TRPV1: variants seen among roughly 807,000 people sequenced by gnomAD.
TRPV1 encodes transient receptor potential cation channel subfamily V member 1.
A neutral mutation model predicts 82.3 loss-of-function variants in TRPV1; 82 were observed. The ratio of observed to expected loss-of-function variants is 1.00; its 90% CI spans 0.83 to 1.20. The LOEUF (loss-of-function observed/expected upper bound fraction) is 1.20, where lower values mean the gene tolerates loss of function less well. Ranked by LOEUF, TRPV1 falls within the 50% of genes most tolerant of loss-of-function variation. The pLI, the probability that TRPV1 is intolerant of heterozygous loss-of-function variation, is 0.00. For missense variants in TRPV1, 1,067 were observed against 1,096.8 expected, an observed-to-expected ratio of 0.97 and a Z score of 0.38; for synonymous variants, 515 against 467.7, an observed-to-expected ratio of 1.10 and a Z score of -1.30.
At chr17:3,569,988 T>C (rs1597509355) in intron 16 of TRPV1, among the ~76,000 whole-genome samples, 2 of 149,574 alleles carry the variant, frequency 1.3e-5, no homozygotes, top group Admixed American at 1.3e-4. Flanking sequence ...GGCCAAGCGG[T>C]CAGGGAGGAG....
At chr17:3,602,786 G>C (rs951873962) in intron 2 of TRPV1, among the ~76,000 whole-genome samples, 1 of 152,268 alleles carries the variant, frequency 6.6e-6, no homozygotes, top group South Asian at 2.1e-4. Flanking sequence ...ACTGGCCATC[G>C]GAGACAAATT....
intron 11 of TRPV1, among the ~76,000 whole-genome samples, chr17:3,579,730 C>T (rs955571058): frequency 2.6e-5 from 4 of 152,212 alleles, no homozygotes; most frequent in Non-Finnish European, 5.9e-5. Flanking sequence ...CCCGCCTCAG[C>T]CTCCCAAAGT....
rs958737627 is a variant in TRPV1, at chr17:3,566,386, T to G, written c.*429A>C. 2 of 152,912 alleles carry G rather than the reference T, an allele frequency of 1.3e-5. No individual in the cohort carries two copies. The highest frequency in any genetic ancestry group is 4.8e-5 in the African/African-American group (2 of 41,372). The allele number at this position is 152,912 out of a possible 1,614,324, so 9.5% of individuals were successfully genotyped here. A position where few individuals can be genotyped will look rare whatever the true frequency, so the allele number is the denominator to read the frequency against. On this transcript the variant is annotated 3_prime_UTR_variant, in exon 17 of 17. Transcript: ENST00000572705. ...GCACGTGCCTGTAATCCCAGCTACT[T>G]GGGAAGCCGAGGCAGGAGAATTGCT...
At chr17:3,597,909 T>C (rs906232174) in intron 2 of TRPV1, among the ~76,000 whole-genome samples, 2 of 152,090 alleles carry the variant, frequency 1.3e-5, no homozygotes, top group African/African-American at 4.8e-5. Context: ...CCTGACCTCG[T>C]CATCCACCTG....
rs913801171 is a variant in TRPV1 at position 3,589,885 on chromosome 17, C to T, written c.966G>A (p.Pro322=). The change falls in exon 7 of 17, where the codon CCG becomes CCA. Residue 322 remains proline (P), a synonymous_variant. Transcript: ENST00000572705. ...TGGTGAGCTCCTCCAGCTTCAGCGTCGGGTGCAGTTTGGCCCCCAGCATCA... is the reference window on the plus strand; with the variant it reads ...TGGTGAGCTCCTCCAGCTTCAGCGTTGGGTGCAGTTTGGCCCCCAGCATCA... ...EILMLGAKLH[P]TLKLEELTNK... The T allele has an allele frequency of 7.5e-6, 12 of 1,610,594 alleles. No homozygotes were observed. Among genetic ancestry groups the T allele is most frequent in the African/African-American group, 1.3e-5 (1 of 74,844 alleles).
intron 8 of TRPV1, among the ~76,000 whole-genome samples, chr17:3,587,846 A>G (rs1363117384): frequency 8.1e-6 from 1 of 124,178 alleles, no homozygotes; most frequent in Non-Finnish European, 1.9e-5. Flanking sequence ...ACGCCCTGCC[A>G]TCAAGTGAAA....
At chr17:3,578,293 G>C (rs1018782440) in intron 11 of TRPV1, 3 of 151,768 alleles carry the variant, frequency 2.0e-5, no homozygotes, top group African/African-American at 7.3e-5. Flanking sequence ...GGGAGACAGA[G>C]CGAGACTCCG....
chr17:3,603,247 C>T (rs997760166), intron 2 of TRPV1, among the ~76,000 whole-genome samples: 2 of 152,180 alleles, frequency 1.3e-5, no homozygotes, highest in African/African-American at 2.4e-5. Context: ...CAGCGGTCTG[C>T]GAGCCGGTCA....
chr17:3,573,654 G>C lies in TRPV1; in HGVS notation c.2082C>G (p.Ser694Arg). 1 of 1,612,944 alleles carries C rather than the reference G, an allele frequency of 6.2e-7. No individual in the cohort carries two copies. Among genetic ancestry groups the C allele is most frequent in the Non-Finnish European group, 8.5e-7 (1 of 1,179,744 alleles). The change falls in exon 14 of 17, where the codon AGC becomes AGG. Residue 694 changes from serine to arginine, a missense_variant. Ser to Arg is a moderately radical substitution (Grantham distance 110). Transcript: ENST00000572705. ...CCACCTGCAGCTTCCAGATGTTCTTGCTCTCCTGTGCGATCTTGTTGACAG... is the reference window on the plus strand; with the variant it reads ...CCACCTGCAGCTTCCAGATGTTCTTCCTCTCCTGTGCGATCTTGTTGACAG... ...GETVNKIAQE[S>R]KNIWKLQRAI...
At chr17:3,587,721 G>A (rs2075101685) in intron 8 of TRPV1, among the ~76,000 whole-genome samples, 1 of 151,912 alleles carries the variant, frequency 6.6e-6, no homozygotes, top group Middle Eastern at 3.2e-3. Flanking sequence ...CGGATTCGAG[G>A]AGAATCGCTT....
At chr17:3,605,492 A>G (rs1245703232) in intron 2 of TRPV1, among the ~76,000 whole-genome samples, 2 of 152,022 alleles carry the variant, frequency 1.3e-5, no homozygotes, top group Non-Finnish European at 2.9e-5. Context: ...CCTGGGTAAC[A>G]GAGTGAGACT....
intron 2 of TRPV1, among the ~76,000 whole-genome samples, chr17:3,594,182 T>C (rs1034320896): frequency 7.3e-6 from 1 of 137,460 alleles, no homozygotes; most frequent in Non-Finnish European, 1.5e-5. Context: ...CAGCAGCAGC[T>C]GCACACATGG....
intron 9 of TRPV1, among the ~76,000 whole-genome samples, chr17:3,584,907 T>A (rs1454277609): frequency 6.6e-6 from 1 of 152,236 alleles, no homozygotes; most frequent in Non-Finnish European, 1.5e-5. Flanking sequence ...AGAAGTTTGA[T>A]GAAGTCTTGG....
rs202162250 is a variant in TRPV1, at chr17:3,565,466, T to C, written c.*1349A>G. ...CGATATATATGTATACATATCTGTT[T>C]ATTTGAGGATGCCAGTATGGATGGA... On this transcript the variant is annotated 3_prime_UTR_variant, in exon 17 of 17. Coordinates refer to ENST00000572705, the MANE Select transcript of TRPV1 (RefSeq NM_080704.4). The C allele has an allele frequency of 1.3e-5, 2 of 152,206 alleles. No individual in the cohort carries two copies. The highest frequency in any genetic ancestry group is 1.3e-4 in the Admixed American group (2 of 15,274). The allele number at this position is 152,206 out of a possible 1,614,324, so 9.4% of individuals were successfully genotyped here. A position where few individuals can be genotyped will look rare whatever the true frequency, so the allele number is the denominator to read the frequency against.
chr17:3,580,926 A>G (rs1489506253), intron 10 of TRPV1, among the ~76,000 whole-genome samples: 1 of 151,900 alleles, frequency 6.6e-6, no homozygotes, highest in Admixed American at 6.6e-5. Flanking sequence ...GGCTGAGGCA[A>G]GAAAATCGCT....
intron 10 of TRPV1, among the ~76,000 whole-genome samples, chr17:3,581,831 G>C (rs2075017616): frequency 6.9e-6 from 1 of 144,780 alleles, no homozygotes; most frequent in Non-Finnish European, 1.5e-5. Context: ...GTTGCAGTGA[G>C]CCAAGATCAC....
At chr17:3,572,915 A>G (rs571246878) in intron 14 of TRPV1, among the ~76,000 whole-genome samples, 35 of 146,552 alleles carry the variant, frequency 2.4e-4, no homozygotes, top group East Asian at 1.4e-3. Flanking sequence ...GTCGGGAGGC[A>G]GAGGTTGCAG....
At chr17:3,574,487 C>T (rs889701812) in intron 13 of TRPV1, among the ~76,000 whole-genome samples, 1 of 152,182 alleles carries the variant, frequency 6.6e-6, no homozygotes, top group Non-Finnish European at 1.5e-5. Context: ...GCCTTCAGAT[C>T]CAGGTGCCAG....
chr17:3,593,512 T>A (rs2075187873), intron 2 of TRPV1, among the ~76,000 whole-genome samples: 1 of 152,030 alleles, frequency 6.6e-6, no homozygotes, highest in African/African-American at 2.4e-5. Flanking sequence ...GGCCCATACA[T>A]CCCTCCCATA....
Sources: allele counts gnomAD v4.1 joint callset (sites outside exome capture counted in the v4.1 genomes callset), GRCh38; gene constraint gnomAD v4.1.1; transcripts MANE v1.5; gene names NCBI Gene and HGNC (gene_info 2026-07-23, HGNC 2026-07-21).